APOL6: variants seen among roughly 807,000 people sequenced by gnomAD.
APOL6 encodes apolipoprotein L6, also known as apolipoprotein L, 6.
In APOL6, 1 loss-of-function variant was observed where a neutral mutation model predicts 2.4. The observed-to-expected ratio is 0.41, with a 90% confidence interval of 0.15 to 1.94. The LOEUF is 1.94. Among genes scored for constraint, APOL6 ranks in the 30% most tolerant of loss-of-function variants. The pLI is 0.30. For missense variants in APOL6, 438 were observed against 429.2 expected (o/e 1.02, Z -0.18); for synonymous variants, 189 against 169.3 (o/e 1.12, Z -0.90).
rs1472089480 is a variant in APOL6, at chr22:35,666,022, G to C, written c.*6426G>C. 3 of 152,092 alleles carry C rather than the reference G, an allele frequency of 2.0e-5. No homozygotes were observed. Among genetic ancestry groups the C allele is most frequent in the African/African-American group, 7.2e-5 (3 of 41,426 alleles). 9.4% of individuals were successfully genotyped at this position (152,092 alleles called of 1,614,324 possible). On this transcript the variant is annotated 3_prime_UTR_variant, in exon 3 of 3. Coordinates refer to ENST00000409652, the MANE Select transcript of APOL6 (RefSeq NM_030641.4). ...TAGGAAGCATTGTCAAATGTGAAAT[G>C]GTGTTTGGTTTTCTTTGGGCTGTAT...
At chr22:35,655,882 G>C (rs530470172) in intron 1 of APOL6, among the ~76,000 whole-genome samples, 8 of 152,318 alleles carry the variant, frequency 5.3e-5, no homozygotes, top group African/African-American at 1.9e-4. Flanking sequence ...CATTTTTAGA[G>C]AAGTAGCAAG....
chr22:35,656,533 C>T lies in APOL6; in HGVS notation c.50+58C>T, dbSNP rs373407904. Reference sequence around the variant, plus strand: ...GCTGATTCTGTTGAAATGCTGCAGGCATCCTCACGATAAGGAATACATGTG... The same window carrying T: ...GCTGATTCTGTTGAAATGCTGCAGGTATCCTCACGATAAGGAATACATGTG... On this transcript the variant is annotated intron_variant, in intron 2 of 2. Transcript: ENST00000409652. 2.4e-4 allele frequency: 379 copies of T among 1,587,210 alleles called. 1 individual carries two copies. Among genetic ancestry groups the T allele is most frequent in the Non-Finnish European group, 3.1e-4 (364 of 1,155,846 alleles).
Position 35,658,869 on chromosome 22 carries a change from CAGG to C in APOL6, c.313_315del (p.Gly105del). 6.2e-7 allele frequency: 1 copy of C among 1,614,154 alleles called. No homozygotes were observed. Among genetic ancestry groups the C allele is most frequent in the African/African-American group, 1.3e-5 (1 of 75,054 alleles). ...CTGGGTTTAGCCCTTGCCCCAGCAA[CAGG>C]AGGAGGAAGCCTGCTGCTCTCCACC... On this transcript the variant is annotated inframe_deletion, in exon 3 of 3. Transcript: ENST00000409652.
chr22:35,656,483 A>AAAG lies in APOL6; in HGVS notation c.50+9_50+11dup. 2 of 1,614,084 alleles carry AAAG rather than the reference A, an allele frequency of 1.2e-6. No individual in the cohort carries two copies. Among genetic ancestry groups the AAAG allele is most frequent in the Non-Finnish European group, 1.7e-6 (2 of 1,179,974 alleles). On this transcript the variant is annotated intron_variant, in intron 2 of 2. Transcript: ENST00000409652. Reference sequence around the variant, plus strand: ...TGGTGTTGGTTTGCAAAGGTAATCCAAAGGGTGTAGTCCCCAGGGAGAGGG... The same window carrying AAAG: ...TGGTGTTGGTTTGCAAAGGTAATCCAAAGAAGGGTGTAGTCCCCAGGGAGAGGG...
In APOL6 at chr22:35,668,383, T is replaced by C. The variant is rs1195174719; in HGVS notation, c.*8787T>C. 1.3e-5 allele frequency: 2 copies of C among 151,864 alleles called. No individual in the cohort carries two copies. Among genetic ancestry groups the C allele is most frequent in the Non-Finnish European group, 2.9e-5 (2 of 68,030 alleles). 9.4% of individuals were successfully genotyped at this position (151,864 alleles called of 1,614,324 possible). On this transcript the variant is annotated 3_prime_UTR_variant, in exon 3 of 3. Transcript: ENST00000409652. ...CAGGCCATGTTCACTTACATTTGGC[T>C]CAGAATAAATCTCTTCAAATATTTT...
intron 1 of APOL6, among the ~76,000 whole-genome samples, chr22:35,652,005 G>A (rs1924710042): frequency 6.6e-6 from 1 of 152,208 alleles, no homozygotes; most frequent in African/African-American, 2.4e-5. Context: ...CTAGTTTACA[G>A]TCCAACCAAC....
chr22:35,660,568 A>G lies in APOL6; in HGVS notation c.*972A>G, dbSNP rs988277292. Reference sequence around the variant, plus strand: ...AGTGTCTTAGTCTGTTTGTGCTGCTATAACAAAATACCTTAGACTGGGTAA... The same window carrying G: ...AGTGTCTTAGTCTGTTTGTGCTGCTGTAACAAAATACCTTAGACTGGGTAA... On this transcript the variant is annotated 3_prime_UTR_variant, in exon 3 of 3. Coordinates refer to ENST00000409652, the MANE Select transcript of APOL6 (RefSeq NM_030641.4). The G allele has an allele frequency of 5.9e-5, 9 of 152,290 alleles. No individual in the cohort carries two copies. Among genetic ancestry groups the G allele is most frequent in the African/African-American group, 1.7e-4 (7 of 41,472 alleles). 9.4% of individuals were successfully genotyped at this position (152,290 alleles called of 1,614,324 possible).
In APOL6 at chr22:35,656,032, C is replaced by A. The variant is rs76642348; in HGVS notation, c.-47-347C>A. 6.2e-3 allele frequency among the ~76,000 whole-genome samples: 939 copies of A among 152,244 alleles called. 49 individuals carry two copies. The East Asian group carries it at 0.13, about 21-fold the overall frequency. Reference sequence around the variant, plus strand: ...TTTACCTTTGTCAATTTATGTCTTGCTTTTAGGCAAATAGAGGGAGGGTGG... The same window carrying A: ...TTTACCTTTGTCAATTTATGTCTTGATTTTAGGCAAATAGAGGGAGGGTGG... On this transcript the variant is annotated intron_variant, in intron 1 of 2. Transcript: ENST00000409652.
At chr22:35,649,162 G>A (rs768776391) in intron 1 of APOL6, among the ~76,000 whole-genome samples, 4 of 152,168 alleles carry the variant, frequency 2.6e-5, no homozygotes, top group Non-Finnish European at 5.9e-5. Context: ...TAGGCCAGGC[G>A]CAGTGGCTCA....
In APOL6 at chr22:35,659,414, G is replaced by T; in HGVS notation, c.850G>T (p.Glu284Ter). Residue 284 changes from glutamate to a stop codon, truncating the protein, a stop_gained, in exon 3 of 3, where the codon GAA becomes TAA. Transcript: ENST00000409652. LOFTEE classifies it low-confidence loss of function (END_TRUNC). ...CTTGGAGCTGGAGAGGAAACTCACA[G>T]AACTCACCCAGCTCTACAAGAGCTT... ...KALELERKLT[E>*]LTQLYKSLQQ... is the part of the protein sequence containing the mutation. The T allele has an allele frequency of 6.2e-7, 1 of 1,614,052 alleles. No homozygotes were observed. The highest frequency in any genetic ancestry group is 8.5e-7 in the Non-Finnish European group (1 of 1,180,012).
At chr22:35,655,406 C>A (rs183661541) in intron 1 of APOL6, among the ~76,000 whole-genome samples, 1 of 152,034 alleles carries the variant, frequency 6.6e-6, no homozygotes, top group Non-Finnish European at 1.5e-5. Flanking sequence ...TCGCACTACC[C>A]GAGAAGAAAC....
Position 35,651,846 on chromosome 22 carries a change from C to T in APOL6, c.-48+3223C>T, listed in dbSNP as rs573116883. On this transcript the variant is annotated intron_variant, in intron 1 of 2. Coordinates refer to ENST00000409652, the MANE Select transcript of APOL6 (RefSeq NM_030641.4). Reference sequence around the variant, plus strand: ...AAGTCTTTGCTATTGTGAATAGTGCCGCAATAAACATATGTGTGCATGTGT... The same window carrying T: ...AAGTCTTTGCTATTGTGAATAGTGCTGCAATAAACATATGTGTGCATGTGT... 9.9e-5 allele frequency among the ~76,000 whole-genome samples: 15 copies of T among 152,202 alleles called. No individual in the cohort carries two copies. The East Asian group carries it at 1.5e-3, about 16-fold the overall frequency.
Position 35,661,129 on chromosome 22 carries a change from G to A in APOL6, c.*1533G>A, listed in dbSNP as rs1020541662. 6.6e-6 allele frequency: 1 copy of A among 152,022 alleles called. No homozygotes were observed. The highest frequency in any genetic ancestry group is 2.4e-5 in the African/African-American group (1 of 41,378). 9.4% of individuals were successfully genotyped at this position (152,022 alleles called of 1,614,324 possible). ...GATAAAGTGTAATTACACTAATAAA[G>A]CTGGATCACCTGAGGTTAGGAGTTT... On this transcript the variant is annotated 3_prime_UTR_variant, in exon 3 of 3. Transcript: ENST00000409652.
chr22:35,650,863 G>C (rs1924668649), intron 1 of APOL6, among the ~76,000 whole-genome samples: 1 of 151,902 alleles, frequency 6.6e-6, no homozygotes, highest in African/African-American at 2.4e-5. Context: ...CTGGGAGGTG[G>C]AGGTTGCAGT....
chr22:35,650,446 C>T (rs1041408129), intron 1 of APOL6, among the ~76,000 whole-genome samples: 1 of 152,098 alleles, frequency 6.6e-6, no homozygotes, highest in Non-Finnish European at 1.5e-5. Flanking sequence ...TTCTATGTAT[C>T]GCCTGGGGAA....
At position 35,666,841 on chromosome 22, in the gene APOL6, A is replaced by G. The variant is rs187471919; in HGVS notation, c.*7245A>G. 40 of 152,276 alleles carry G rather than the reference A, an allele frequency of 2.6e-4. No homozygotes were observed. The highest frequency in any genetic ancestry group is 2.6e-3 in the Admixed American group (40 of 15,300). The allele number at this position is 152,276 out of a possible 1,614,324, so 9.4% of individuals were successfully genotyped here. On this transcript the variant is annotated 3_prime_UTR_variant, in exon 3 of 3. Transcript: ENST00000409652. ...AGTCTTAAAACTTTTCTTTTGAGCT[A>G]TTGACAGCTTTTAACAATTTAGTAT...
At position 35,658,666 on chromosome 22, in the gene APOL6, T is replaced by C; in HGVS notation, c.102T>C (p.Asp34=). 4 of 1,614,050 alleles carry C rather than the reference T, an allele frequency of 2.5e-6. No individual in the cohort carries two copies. The South Asian group carries it at 4.4e-5, about 18-fold the overall frequency. ...AAGACGTGGAGCTACAAGACGGAGA[T>C]CTGTCCCCCGAAGAAAAAATATTTT... The part of the protein sequence containing the change: ...LCEDVELQDG[D]LSPEEKIFLR... The change falls in exon 3 of 3, where the codon GAT becomes GAC. Residue 34 remains aspartate (D), a synonymous_variant. Coordinates refer to ENST00000409652, the MANE Select transcript of APOL6 (RefSeq NM_030641.4).
At position 35,658,634 on chromosome 22, in the gene APOL6, C is replaced by G. The variant is rs897816259; in HGVS notation, c.70C>G (p.Leu24Val). The part of the protein sequence containing the change: ...GLQRDEDDAP[L>V]CEDVELQDGD... Reference sequence around the variant, plus strand: ...CCTCAGGGATGAGGATGACGCTCCTCTGTGTGAAGACGTGGAGCTACAAGA... The same window carrying G: ...CCTCAGGGATGAGGATGACGCTCCTGTGTGTGAAGACGTGGAGCTACAAGA... The change falls in exon 3 of 3, where the codon CTG becomes GTG. Residue 24 changes from leucine (L) to valine (V), a missense_variant. By Grantham distance (32) the Leu-to-Val change is conservative. Coordinates refer to ENST00000409652, the MANE Select transcript of APOL6 (RefSeq NM_030641.4). The G allele has an allele frequency of 1.2e-6, 2 of 1,612,018 alleles. No homozygotes were observed. The highest frequency in any genetic ancestry group is 1.7e-6 in the Non-Finnish European group (2 of 1,178,848).
chr22:35,664,471 G>T lies in APOL6; in HGVS notation c.*4875G>T. ...CTAGGTTCCTCCCAAAGTTCATTCG[G>T]CCTATGCCCAGGAATGAACAAGGAC... is the stretch of plus-strand genomic sequence containing the variant. On this transcript the variant is annotated 3_prime_UTR_variant, in exon 3 of 3. Transcript: ENST00000409652. The T allele has an allele frequency of 6.6e-6, 1 of 152,180 alleles. No individual in the cohort carries two copies. Among genetic ancestry groups the T allele is most frequent in the East Asian group, 1.9e-4 (1 of 5,198 alleles). 9.4% of individuals were successfully genotyped at this position (152,180 alleles called of 1,614,324 possible). A position where few individuals can be genotyped will look rare whatever the true frequency, so the allele number is the denominator to read the frequency against.
Sources: allele counts gnomAD v4.1 joint callset (sites outside exome capture counted in the v4.1 genomes callset), GRCh38; gene constraint gnomAD v4.1.1; transcripts MANE v1.5; gene names NCBI Gene and HGNC (gene_info 2026-07-23, HGNC 2026-07-21).